Variants in PPP4R1 observed in about 807,000 individuals in gnomAD.
PPP4R1 encodes protein phosphatase 4 regulatory subunit 1, also known as serine/threonine-protein phosphatase 4 regulatory subunit 1.
Under a neutral mutation model 111.2 loss-of-function variants are expected in PPP4R1, and 42 were observed. The observed-to-expected ratio is 0.38, with a 90% CI of 0.29 to 0.49. The LOEUF (loss-of-function observed/expected upper bound fraction) is 0.49, where lower values mean the gene tolerates loss of function less well. PPP4R1 is among the 20% of genes least tolerant of loss of function. PPP4R1 has a pLI of 0.97. For missense variants in PPP4R1, 1,012 were observed against 1,161.6 expected (o/e 0.87, Z 1.87); for synonymous variants, 409 against 405.5 (o/e 1.01, Z -0.10).
rs532442272 is a variant in PPP4R1 at position 9,608,078 on chromosome 18, C to T, written c.52+6148G>A. 2.6e-5 allele frequency among the ~76,000 whole-genome samples: 4 copies of T among 152,216 alleles called. No individual in the cohort carries two copies. In the East Asian group the frequency reaches 7.7e-4, roughly 29 times the overall value. ...GGATTACAGGCATAAGCCACCGCAC[C>T]GGGCTGGCAGTTTCTTAAAAAGTTA... On this transcript the variant is annotated intron_variant, in intron 2 of 19. Transcript: ENST00000400556.
chr18:9,611,672 GTC>G, intron 2 of PPP4R1, among the ~76,000 whole-genome samples: 1 of 152,356 alleles, frequency 6.6e-6, no homozygotes, highest in South Asian at 2.1e-4. Context: ...TGCCTTCAAT[GTC>G]TGTTTTATCC....
At chr18:9,574,886 A>G (rs1350178378) in intron 10 of PPP4R1, among the ~76,000 whole-genome samples, 3 of 152,238 alleles carry the variant, frequency 2.0e-5, no homozygotes, top group Admixed American at 6.5e-5. Flanking sequence ...TTAAGAGAAC[A>G]TGGTGCATTC....
intron 19 of PPP4R1, 69 bp from the exon 20 acceptor site, chr18:9,548,021 C>T (rs574899558): frequency 6.3e-5 from 93 of 1,482,238 alleles, no homozygotes; most frequent in Admixed American, 3.0e-4. Flanking sequence ...CCGTCAAGTA[C>T]GAGTGTAAAC....
intron 4 of PPP4R1, among the ~76,000 whole-genome samples, chr18:9,592,707 G>C (rs949587256): frequency 6.7e-6 from 1 of 149,474 alleles, no homozygotes; most frequent in African/African-American, 2.4e-5. Context: ...CTGGTAAACA[G>C]GTAAAGGAAA....
intron 9 of PPP4R1, among the ~76,000 whole-genome samples, chr18:9,581,291 C>G (rs920553205): frequency 6.6e-6 from 1 of 151,960 alleles, no homozygotes; most frequent in Non-Finnish European, 1.5e-5. Context: ...AACATGTTCA[C>G]AGAACCAAAG....
At position 9,547,871 on chromosome 18, in the gene PPP4R1, T is replaced by G; in HGVS notation, c.2771A>C (p.Asp924Ala). The G allele has an allele frequency of 6.2e-7, 1 of 1,613,824 alleles. No individual in the cohort carries two copies. Among genetic ancestry groups the G allele is most frequent in the Non-Finnish European group, 8.5e-7 (1 of 1,180,010 alleles). ...IMALQMDRDS[D>A]VKYFASIHPA... ...GTGGATGCTTGCAAAATACTTGACA[T>G]CGCTGTCACGGTCCATCTGAAGAGC... is the stretch of plus-strand genomic sequence containing the variant. Residue 924 changes from aspartate to alanine, a missense_variant, in exon 20 of 20, where the codon GAT (aspartate) becomes GCT (alanine). Transcript: ENST00000400556.
In PPP4R1 at chr18:9,583,206, T is replaced by C. The variant is rs746118183; in HGVS notation, c.829A>G (p.Met277Val). ...GVRKACAECF[M>V]AVSCATCQEI... is the part of the protein sequence containing the mutation. ...TGACATGTTGCACATGAAACCGCCATGAAGCATTCAGCACAAGCCTTTCGG... is the reference window on the plus strand; with the variant it reads ...TGACATGTTGCACATGAAACCGCCACGAAGCATTCAGCACAAGCCTTTCGG... Residue 277 changes from methionine (M) to valine (V), a missense_variant, in exon 9 of 20, where the codon ATG becomes GTG. Physicochemically the swap from Met to Val is conservative, Grantham distance 21. Transcript: ENST00000400556. 1.9e-6 allele frequency: 3 copies of C among 1,611,484 alleles called. No homozygotes were observed. The highest frequency in any genetic ancestry group is 4.5e-5 in the East Asian group (2 of 44,810).
At chr18:9,556,581 A>G (rs1010620858) in intron 15 of PPP4R1, among the ~76,000 whole-genome samples, 1 of 152,214 alleles carries the variant, frequency 6.6e-6, no homozygotes, top group African/African-American at 2.4e-5. Context: ...AAAGTCTAAA[A>G]ACAACAACAG....
At chr18:9,557,067 C>T (rs1190868767) in intron 15 of PPP4R1, 154 bp downstream of exon 15, 2 of 615,754 alleles carry the variant, frequency 3.2e-6, no homozygotes, top group Non-Finnish European at 5.4e-6. Context: ...ATTATGGGAC[C>T]ATTTCTTTTT....
chr18:9,588,661 A>C, intron 5 of PPP4R1, 50 bp downstream of exon 5: 1 of 1,501,046 alleles, frequency 6.7e-7, no homozygotes, highest in South Asian at 1.2e-5. Context: ...TATTCTCCAT[A>C]TATTACACTA....
upstream of PPP4R1, among the ~76,000 whole-genome samples, chr18:9,616,987 T>A (rs1054193805): frequency 2.0e-5 from 3 of 152,244 alleles, no homozygotes; most frequent in Admixed American, 1.3e-4. Flanking sequence ...CACAAATATG[T>A]GTTTTTTACA....
At chr18:9,566,897 C>G (rs1330669529) in intron 11 of PPP4R1, among the ~76,000 whole-genome samples, 2 of 152,162 alleles carry the variant, frequency 1.3e-5, no homozygotes, top group Non-Finnish European at 2.9e-5. Flanking sequence ...TGCTCACTGA[C>G]AATACACCTG....
rs751461327 is a variant in PPP4R1, at chr18:9,559,545, T to G, written c.1902A>C (p.Ala634=). Residue 634 remains alanine (A), a synonymous_variant, in exon 14 of 20, where the codon GCA becomes GCC. Transcript: ENST00000400556. ...QYLSMTDPSR[A]QTVDTEIAKH... ...TAGCAATTTCAGTGTCAACCGTCTG[T>G]GCACGAGAAGGGTCAGTCATAGATA... 7 of 1,613,416 alleles carry G rather than the reference T, an allele frequency of 4.3e-6. No individual in the cohort carries two copies. The East Asian group carries it at 1.3e-4, about 31-fold the overall frequency.
chr18:9,608,368 A>G (rs1469462495), intron 2 of PPP4R1, among the ~76,000 whole-genome samples: 2 of 152,208 alleles, frequency 1.3e-5, no homozygotes, highest in African/African-American at 2.4e-5. Context: ...ACAAAACTAT[A>G]CTGAGGTATC....
Position 9,549,943 on chromosome 18 carries a change from G to T in PPP4R1, c.2547+109C>A, listed in dbSNP as rs1393190275. 6.1e-6 allele frequency: 9 copies of T among 1,487,236 alleles called. No homozygotes were observed. The Admixed American group carries it at 7.6e-5, about 13-fold the overall frequency. The allele number at this position is 1,487,236 out of a possible 1,614,324, so 92.1% of individuals were successfully genotyped here. On this transcript the variant is annotated intron_variant, in intron 18 of 19. Coordinates refer to ENST00000400556, the MANE Select transcript of PPP4R1 (RefSeq NM_001042388.3). ...CTATAAACAGCCAGGCTACTATAAG[G>T]TTCTGTTCCTTAAGAGTAAGGAAGA... is the stretch of plus-strand genomic sequence containing the variant.
chr18:9,566,420 T>C (rs1598907047), intron 11 of PPP4R1, among the ~76,000 whole-genome samples: 1 of 150,744 alleles, frequency 6.6e-6, no homozygotes, highest in African/African-American at 2.4e-5. Context: ...GAGGCTGAGG[T>C]GGGTGGATTA....
At chr18:9,577,339 G>C (rs972672619) in intron 9 of PPP4R1, 148 bp from the exon 10 acceptor site, 17 of 958,782 alleles carry the variant, frequency 1.8e-5, no homozygotes, top group Non-Finnish European at 2.6e-5. Flanking sequence ...CCCAGATTCA[G>C]AACTTTAGCT....
At chr18:9,564,724 GTGTGTGTGT>G (rs2066734619) in intron 11 of PPP4R1, among the ~76,000 whole-genome samples, 2 of 50,832 alleles carry the variant, frequency 3.9e-5, no homozygotes, top group African/African-American at 1.4e-4. Context: ...GTGTGTGTGT[GTGTGTGTGT>G]GTGTGGGGGT....
At chr18:9,568,603 C>A (rs1217323992) in intron 11 of PPP4R1, among the ~76,000 whole-genome samples, 1 of 152,194 alleles carries the variant, frequency 6.6e-6, no homozygotes, top group Non-Finnish European at 1.5e-5. Flanking sequence ...AAACTTAGAG[C>A]AGTTCTTTCA....
Sources: allele counts gnomAD v4.1 joint callset (sites outside exome capture counted in the v4.1 genomes callset), GRCh38; gene constraint gnomAD v4.1.1; transcripts MANE v1.5; gene names NCBI Gene and HGNC (gene_info 2026-07-23, HGNC 2026-07-21).